POT1: variants seen among roughly 807,000 people sequenced by gnomAD.
POT1 encodes protection of telomeres 1.
A neutral mutation model predicts 78.5 loss-of-function variants in POT1; 47 were observed. The ratio of observed to expected loss-of-function variants is 0.60; its 90% CI spans 0.47 to 0.76. The LOEUF (loss-of-function observed/expected upper bound fraction) is 0.76, where lower values mean the gene tolerates loss of function less well. Ranked by LOEUF, POT1 falls within the 30% of genes least tolerant of loss-of-function variation. The probability of loss-of-function intolerance (pLI) is 0.00; values close to 1 mark genes in which losing one functional copy is unlikely to be tolerated. For synonymous variants in POT1, 259 were observed against 260.7 expected (o/e 0.99, Z 0.06); for missense variants, 646 against 749.9 (o/e 0.86, Z 1.62).
Position 124,853,081 on chromosome 7 carries a change from C to G in POT1, c.760G>C (p.Glu254Gln). The change falls in exon 10 of 19, where the codon GAG (glutamate) becomes CAG (glutamine). Residue 254 changes from glutamate (E) to glutamine (Q), a missense_variant. This residue lies in a region of POT1 where 252 missense variants were observed against 341.4 expected (regional missense o/e 0.74). Coordinates refer to ENST00000357628, the MANE Select transcript of POT1 (RefSeq NM_015450.3). ...TCTAAACTTAACATTGTCTGATTCT[C>G]TGAATTCATTGATTGAAGTTTGGTA... ...LHTKLQSMNS[E>Q]NQTMLSLEFH... 6.2e-7 allele frequency: 1 copy of G among 1,609,266 alleles called. No individual in the cohort carries two copies. The highest frequency in any genetic ancestry group is 8.5e-7 in the Non-Finnish European group (1 of 1,175,868).
chr7:124,865,676 TC>T (rs1425781783), intron 7 of POT1, among the ~76,000 whole-genome samples: 1 of 151,400 alleles, frequency 6.6e-6, no homozygotes, highest in East Asian at 1.9e-4. Context: ...TTCACTTAAT[TC>T]CTTTTTTAAG....
chr7:124,870,855 GAAC>G, intron 7 of POT1, 53 bp downstream of exon 7: 2 of 1,374,872 alleles, frequency 1.5e-6, no homozygotes, highest in Non-Finnish European at 9.6e-7. Flanking sequence ...TAGTTTCAGT[GAAC>G]AATACAGAGT....
At chr7:124,874,414 AT>A (rs1795939440) in intron 6 of POT1, among the ~76,000 whole-genome samples, 1 of 152,208 alleles carries the variant, frequency 6.6e-6, no homozygotes, top group Admixed American at 6.5e-5. Context: ...CTATACCTAC[AT>A]TTTTAAATAT....
intron 7 of POT1, among the ~76,000 whole-genome samples, chr7:124,864,526 T>C (rs1428316132): frequency 6.6e-6 from 1 of 152,032 alleles, no homozygotes; most frequent in Non-Finnish European, 1.5e-5. Context: ...TTTTTTTTCC[T>C]ATTGTTCCTT....
chr7:124,897,762 T>C (rs1159720212), intron 4 of POT1, among the ~76,000 whole-genome samples: 1 of 151,836 alleles, frequency 6.6e-6, no homozygotes, highest in Non-Finnish European at 1.5e-5. Context: ...AAGGCAGATG[T>C]TGGCCTGCAG....
intron 3 of POT1, among the ~76,000 whole-genome samples, chr7:124,905,685 C>T (rs1796748164): frequency 6.6e-6 from 1 of 152,124 alleles, no homozygotes; most frequent in Admixed American, 6.5e-5. Context: ...AAACTACCAT[C>T]AGAGTCAACA....
chr7:124,871,291 C>T (rs1795862025), intron 6 of POT1, among the ~76,000 whole-genome samples: 1 of 151,862 alleles, frequency 6.6e-6, no homozygotes, highest in Non-Finnish European at 1.5e-5. Flanking sequence ...TGTAAATTGT[C>T]TGGAGAGAAA....
At chr7:124,827,335 T>G in intron 16 of POT1, 30 bp from the exon 17 acceptor site, 1 of 1,297,148 alleles carries the variant, frequency 7.7e-7, no homozygotes. Context: ...TCAAACCATA[T>G]GAGTCTGCTA....
At chr7:124,873,438 T>C (rs1033236059) in intron 6 of POT1, among the ~76,000 whole-genome samples, 13 of 152,230 alleles carry the variant, frequency 8.5e-5, no homozygotes, top group African/African-American at 2.9e-4. Context: ...CTTGAATACC[T>C]GGAATAAATC....
At chr7:124,894,076 C>A (rs1291779185) in intron 5 of POT1, among the ~76,000 whole-genome samples, 2 of 151,318 alleles carry the variant, frequency 1.3e-5, no homozygotes, top group African/African-American at 4.8e-5. Flanking sequence ...CTAAATAAAG[C>A]CTTAAAGGGC....
intron 11 of POT1, among the ~76,000 whole-genome samples, chr7:124,849,406 T>A (rs949675499): frequency 2.0e-5 from 3 of 152,184 alleles, no homozygotes; most frequent in Non-Finnish European, 4.4e-5. Flanking sequence ...GATTTTCAAG[T>A]TTCCAAGTAG....
At chr7:124,915,543 T>C (rs925983906) in intron 3 of POT1, 31 bp downstream of exon 3, 36 of 152,208 alleles carry the variant, frequency 2.4e-4, no homozygotes, top group African/African-American at 7.9e-4. Flanking sequence ...GGGAAAAAGA[T>C]AAGTAGAAAT....
intron 3 of POT1, among the ~76,000 whole-genome samples, chr7:124,911,383 C>T (rs187771425): frequency 1.8e-4 from 27 of 152,196 alleles, no homozygotes; most frequent in African/African-American, 6.5e-4. Context: ...GTGTCCTTCC[C>T]TGATGACTGT....
At chr7:124,898,708 T>A (rs960863235) in intron 3 of POT1, among the ~76,000 whole-genome samples, 7 of 152,050 alleles carry the variant, frequency 4.6e-5, no homozygotes, top group African/African-American at 1.7e-4. Context: ...TAAATGAAAC[T>A]AAATCTCAAA....
intron 17 of POT1, among the ~76,000 whole-genome samples, chr7:124,825,822 C>G (rs2286174): frequency 0.4 from 60,622 of 151,958 alleles, 12,215 homozygotes; most frequent in East Asian, 0.5. Context: ...TAGTACATAG[C>G]AGGTGCTCAT....
At chr7:124,867,435 C>T (rs1266130955) in intron 7 of POT1, among the ~76,000 whole-genome samples, 1 of 152,108 alleles carries the variant, frequency 6.6e-6, no homozygotes, top group African/African-American at 2.4e-5. Context: ...CAACACCTCC[C>T]CCATGGCTGC....
At chr7:124,901,826 C>T (rs1563013670) in intron 3 of POT1, among the ~76,000 whole-genome samples, 1 of 151,986 alleles carries the variant, frequency 6.6e-6, no homozygotes, top group Admixed American at 6.6e-5. Flanking sequence ...TAGAGAAGAC[C>T]TTAAATGACC....
chr7:124,838,741 G>A (rs1794955794), intron 14 of POT1, among the ~76,000 whole-genome samples: 2 of 152,068 alleles, frequency 1.3e-5, no homozygotes, highest in African/African-American at 4.8e-5. Context: ...GAGTAGTTGG[G>A]ATTACAGGTA....
At chr7:124,868,638 T>A (rs965546945) in intron 7 of POT1, among the ~76,000 whole-genome samples, 5 of 151,078 alleles carry the variant, frequency 3.3e-5, no homozygotes, top group Admixed American at 6.6e-5. Flanking sequence ...AAGGTAACTA[T>A]TAAATGATTT....
Sources: gnomAD v4.1 joint callset for allele counts (sites outside exome capture counted in the v4.1 genomes callset) on GRCh38, gnomAD v4.1.1 for gene constraint, gnomAD v4.1.1 regional missense constraint, MANE v1.5 for transcripts, NCBI Gene and HGNC (gene_info 2026-07-23, HGNC 2026-07-21) for gene names.